Variants in SHANK2 observed in about 807,000 individuals in gnomAD.
The protein encoded by SHANK2 is SH3 and multiple ankyrin repeat domains protein 2.
Under a neutral mutation model 133.7 loss-of-function variants are expected in SHANK2, and 43 were observed. The observed-to-expected ratio is 0.32, with a 90% confidence interval of 0.25 to 0.41. SHANK2 has a LOEUF of 0.41. Among genes scored for constraint, SHANK2 ranks in the 10% least tolerant of loss-of-function variants. SHANK2 has a pLI of 1.00. For missense variants in SHANK2, 1,994 were observed against 2,235.8 expected (o/e 0.89, Z 2.18); for synonymous variants, 1,017 against 952.8 (o/e 1.07, Z -1.24).
intron 14 of SHANK2, among the ~76,000 whole-genome samples, chr11:70,729,755 G>A (rs913427576): frequency 1.3e-5 from 2 of 150,872 alleles, no homozygotes; most frequent in East Asian, 1.9e-4. Context: ...GGATGGTCTC[G>A]ATCTTCTGAC....
intron 14 of SHANK2, among the ~76,000 whole-genome samples, chr11:70,730,540 A>G (rs1946266845): frequency 6.6e-6 from 1 of 152,102 alleles, no homozygotes; most frequent in Non-Finnish European, 1.5e-5. Flanking sequence ...ACTGGACCGC[A>G]TCTCCCAGCC....
intron 17 of SHANK2, among the ~76,000 whole-genome samples, chr11:70,532,398 G>A (rs528233798): frequency 6.6e-6 from 1 of 152,298 alleles, no homozygotes; most frequent in South Asian, 2.1e-4. Context: ...CTAGAGTGGG[G>A]GGCCTTCTCA....
chr11:70,766,774 G>A (rs1947132159), intron 14 of SHANK2, among the ~76,000 whole-genome samples: 1 of 152,096 alleles, frequency 6.6e-6, no homozygotes, highest in African/African-American at 2.4e-5. Context: ...ACTCCATTTT[G>A]TCACTCTAAT....
chr11:70,488,904 T>G (rs1030732290), intron 24 of SHANK2: 4 of 236,908 alleles, frequency 1.7e-5, no homozygotes, highest in Non-Finnish European at 3.3e-5. Flanking sequence ...GGTGTGACTT[T>G]ACAGACTGTT....
intron 11 of SHANK2, among the ~76,000 whole-genome samples, chr11:70,845,329 G>C (rs1555062938): frequency 6.6e-6 from 1 of 152,110 alleles, no homozygotes; most frequent in African/African-American, 2.4e-5. Context: ...ACTTTCCACT[G>C]GAGTGGATTA....
intron 2 of SHANK2, among the ~76,000 whole-genome samples, chr11:71,185,929 T>C (rs1555114410): frequency 6.6e-6 from 1 of 152,168 alleles, no homozygotes; most frequent in Non-Finnish European, 1.5e-5. Context: ...TTAACAGTCT[T>C]GCCTGTCTCC....
chr11:71,119,869 A>G (rs1215596671), intron 3 of SHANK2, among the ~76,000 whole-genome samples: 4 of 152,140 alleles, frequency 2.6e-5, no homozygotes, highest in Non-Finnish European at 5.9e-5. Context: ...ATGTGACTTA[A>G]TTTTGACATG....
chr11:70,607,717 A>T (rs1554992904), intron 17 of SHANK2, among the ~76,000 whole-genome samples: 1 of 152,202 alleles, frequency 6.6e-6, no homozygotes, highest in African/African-American at 2.4e-5. Flanking sequence ...CCCCCAGGAC[A>T]TGCCACCATC....
chr11:71,063,780 T>A (rs1951014780), intron 9 of SHANK2, among the ~76,000 whole-genome samples: 1 of 152,212 alleles, frequency 6.6e-6, no homozygotes, highest in African/African-American at 2.4e-5. Flanking sequence ...GACCCGAGCA[T>A]CAAGAAGAAT....
chr11:71,123,747 C>T, intron 3 of SHANK2, among the ~76,000 whole-genome samples: 1 of 152,166 alleles, frequency 6.6e-6, no homozygotes, highest in South Asian at 2.1e-4. Flanking sequence ...TGTTAGATGA[C>T]TCACAGATAG....
At chr11:71,123,083 A>G (rs11232130) in intron 3 of SHANK2, among the ~76,000 whole-genome samples, 74,084 of 151,934 alleles carry the variant, frequency 0.49, 18,201 homozygotes, top group East Asian at 0.62. Flanking sequence ...GATGGGAGCC[A>G]CCCACGTGTT....
At chr11:70,878,657 GTTC>G (rs1413801252) in intron 11 of SHANK2, among the ~76,000 whole-genome samples, 2 of 152,254 alleles carry the variant, frequency 1.3e-5, no homozygotes, top group Admixed American at 6.5e-5. Flanking sequence ...AATGGGATCT[GTTC>G]TTATTTTTCA....
chr11:71,205,254 C>A (rs1436855984), intron 2 of SHANK2, among the ~76,000 whole-genome samples: 2 of 152,226 alleles, frequency 1.3e-5, no homozygotes, highest in South Asian at 2.1e-4. Context: ...CTCACAGTCA[C>A]CACCCCGCAT....
At chr11:71,109,530 G>T (rs1453143711) in intron 6 of SHANK2, among the ~76,000 whole-genome samples, 1 of 152,248 alleles carries the variant, frequency 6.6e-6, no homozygotes, top group Non-Finnish European at 1.5e-5. Flanking sequence ...GGAATAAGAT[G>T]CATGGGTGCA....
chr11:71,241,230 G>A (rs1429347502), intron 1 of SHANK2, among the ~76,000 whole-genome samples: 1 of 152,324 alleles, frequency 6.6e-6, no homozygotes, highest in African/African-American at 2.4e-5. Flanking sequence ...ACAAGATCCT[G>A]AAAACAACCC....
intron 1 of SHANK2, among the ~76,000 whole-genome samples, chr11:71,251,249 C>T (rs1206170864): frequency 6.6e-6 from 1 of 152,228 alleles, no homozygotes; most frequent in Non-Finnish European, 1.5e-5. Context: ...AGGCAAGCCT[C>T]GCCCACGCGC....
rs566600396 is a variant in SHANK2 at position 70,612,666 on chromosome 11, G to A, written c.2061+47162C>T. On this transcript the variant is annotated intron_variant, in intron 17 of 25. Transcript: ENST00000601538. ...GCCCCCGGCAGCCACCTTCCTCCCT[G>A]CAGAGGCACCCGGGGTCTGCGCGTG... Among the ~76,000 whole-genome samples the A allele has an allele frequency of 4.6e-5, 7 of 152,344 alleles. 1 individual carries two copies. The South Asian group carries it at 1.0e-3, about 23-fold the overall frequency.
intron 9 of SHANK2, among the ~76,000 whole-genome samples, chr11:71,065,881 G>T (rs1382313734): frequency 2.6e-4 from 20 of 75,480 alleles, no homozygotes; most frequent in Non-Finnish European, 3.4e-4. Context: ...GGGGAAGTTG[G>T]GGGGGATACA....
At position 70,479,176 on chromosome 11, in the gene SHANK2, T is replaced by C. The variant is rs1334771272; in HGVS notation, c.4980-5737A>G. On this transcript the variant is annotated intron_variant, in intron 25 of 25. Coordinates refer to ENST00000601538, the MANE Select transcript of SHANK2 (RefSeq NM_012309.5). The surrounding 1 kb of genome is among the most constrained non-coding windows in gnomAD (Gnocchi z 4.4). The stretch of plus-strand genomic sequence containing the variant: ...ACAGTCGCATTCACTGATGTCACAT[T>C]CACTTTTCCATCAGGGCCTGGAAAC... Among the ~76,000 whole-genome samples the C allele has an allele frequency of 6.6e-6, 1 of 152,180 alleles. No homozygotes were observed. The highest frequency in any genetic ancestry group is 1.5e-5 in the Non-Finnish European group (1 of 68,032).
Sources: allele counts gnomAD v4.1 joint callset (sites outside exome capture counted in the v4.1 genomes callset), GRCh38; gene constraint gnomAD v4.1.1; non-coding constraint Gnocchi (gnomAD v3.1); transcripts MANE v1.5; gene names NCBI Gene and HGNC (gene_info 2026-07-23, HGNC 2026-07-21).